CPT1A: variants seen among roughly 807,000 people sequenced by gnomAD.
CPT1A encodes carnitine palmitoyltransferase 1A, also known as carnitine O-palmitoyltransferase 1, liver isoform.
Under a neutral mutation model 100.8 loss-of-function variants are expected in CPT1A, and 64 were observed. That is an observed-to-expected ratio of 0.63 (90% CI 0.52 to 0.78). The LOEUF is 0.78. Among genes scored for constraint, CPT1A ranks in the 30% least tolerant of loss-of-function variants. CPT1A has a pLI of 0.00. For missense variants in CPT1A, 802 were observed against 1,034.1 expected, an observed-to-expected ratio of 0.78 and a Z score of 3.08; for synonymous variants, 363 against 396.0, an observed-to-expected ratio of 0.92 and a Z score of 0.99.
At chr11:68,759,027 C>T (rs11228341) in intron 18 of CPT1A, among the ~76,000 whole-genome samples, 91,835 of 151,890 alleles carry the variant, frequency 0.6, 29,070 homozygotes, top group East Asian at 0.78. Context: ...GTAAGAGGAT[C>T]GCGTGAGCCC....
chr11:68,794,196 T>G (rs991065127), intron 8 of CPT1A, among the ~76,000 whole-genome samples: 1 of 152,204 alleles, frequency 6.6e-6, no homozygotes, highest in African/African-American at 2.4e-5. Flanking sequence ...CATACTGTTA[T>G]GATTCCACTT....
intron 1 of CPT1A, among the ~76,000 whole-genome samples, chr11:68,816,755 CGT>C (rs5792452): frequency 1.4e-4 from 21 of 145,110 alleles, no homozygotes; most frequent in East Asian, 4.1e-4. Context: ...TCCAAAAACT[CGT>C]GTGTGTGTGT....
chr11:68,766,303 A>G (rs1007249349), intron 14 of CPT1A, among the ~76,000 whole-genome samples: 25 of 152,046 alleles, frequency 1.6e-4, no homozygotes, highest in Admixed American at 1.3e-4. Flanking sequence ...TCCAGGGCAG[A>G]AAAAAGGTTC....
chr11:68,794,773 A>C (rs546227126), intron 8 of CPT1A, 31 bp downstream of exon 8: 1 of 1,545,522 alleles, frequency 6.5e-7, no homozygotes, highest in Non-Finnish European at 8.9e-7. Context: ...CTGTTTGAAA[A>C]TAATTTTTTT....
At chr11:68,776,059 C>A (rs1442699828) in intron 12 of CPT1A, among the ~76,000 whole-genome samples, 1 of 152,180 alleles carries the variant, frequency 6.6e-6, no homozygotes, top group African/African-American at 2.4e-5. Flanking sequence ...GGAATGAATT[C>A]CAGGTATGTG....
At chr11:68,810,004 C>A (rs149312246) in intron 3 of CPT1A, among the ~76,000 whole-genome samples, 2 of 152,124 alleles carry the variant, frequency 1.3e-5, no homozygotes, top group African/African-American at 4.8e-5. Context: ...ACGGCGAAAC[C>A]CCATCTCTAT....
rs754882884 is a variant in CPT1A at position 68,796,924 on chromosome 11, A to G, written c.703T>C (p.Trp235Arg). 1.2e-6 allele frequency: 2 copies of G among 1,613,940 alleles called. No homozygotes were observed. Among genetic ancestry groups the G allele is most frequent in the Non-Finnish European group, 1.7e-6 (2 of 1,179,940 alleles). The change falls in exon 7 of 19, where the codon TGG becomes CGG. Residue 235 changes from tryptophan (W) to arginine (R), a missense_variant. By Grantham distance (101) the Trp-to-Arg change is moderately radical. This residue lies in a region of CPT1A where 627 missense variants were observed against 799.3 expected (regional missense o/e 0.78). Transcript: ENST00000265641. Reference protein sequence around the residue: ...SWWATNYVSDWWEEYIYLRGR... With the variant: ...SWWATNYVSDRWEEYIYLRGR... ...CGGAGGTAGATGTACTCCTCCCACC[A>G]GTCGCTCACCTAGTGGGCGCAAACA...
At chr11:68,762,428 C>T (rs776425694) in intron 15 of CPT1A, among the ~76,000 whole-genome samples, 199 bp downstream of exon 15, 1 of 152,222 alleles carries the variant, frequency 6.6e-6, no homozygotes, top group Non-Finnish European at 1.5e-5. Context: ...GCGTCTCTGT[C>T]CTTGTCCCTA....
chr11:68,816,573 A>G (rs1856395093), intron 1 of CPT1A, among the ~76,000 whole-genome samples: 2 of 152,192 alleles, frequency 1.3e-5, no homozygotes, highest in African/African-American at 2.4e-5. Context: ...TCCTTGGCAC[A>G]GCCGCTCAGC....
chr11:68,779,810 A>AAC (rs1855256740), intron 12 of CPT1A, among the ~76,000 whole-genome samples: 2 of 151,274 alleles, frequency 1.3e-5, no homozygotes, highest in Non-Finnish European at 3.0e-5. Flanking sequence ...AAAAAAAAAA[A>AAC]AACAATGGTA....
At chr11:68,826,978 T>G (rs988027746) in intron 1 of CPT1A, among the ~76,000 whole-genome samples, 4 of 152,138 alleles carry the variant, frequency 2.6e-5, no homozygotes, top group African/African-American at 9.6e-5. Flanking sequence ...CGCAAAGCTC[T>G]TCCAAGGACC....
intron 14 of CPT1A, 56 bp downstream of exon 14, chr11:68,773,209 C>A: frequency 6.2e-7 from 1 of 1,609,142 alleles, no homozygotes; most frequent in East Asian, 2.2e-5. Flanking sequence ...CAGTCTTGGG[C>A]AGGTGTAGGA....
At chr11:68,772,718 A>G (rs1594326156) in intron 14 of CPT1A, among the ~76,000 whole-genome samples, 1 of 152,128 alleles carries the variant, frequency 6.6e-6, no homozygotes, top group East Asian at 1.9e-4. Flanking sequence ...GAAAATACCA[A>G]AATTTAATTT....
chr11:68,827,840 T>C (rs912846955), intron 1 of CPT1A, among the ~76,000 whole-genome samples: 1 of 152,130 alleles, frequency 6.6e-6, no homozygotes, highest in African/African-American at 2.4e-5. Flanking sequence ...GCAACTTGCT[T>C]CTCGTCCACA....
chr11:68,761,430 TC>T, intron 16 of CPT1A, 104 bp downstream of exon 16: 1 of 1,358,692 alleles, frequency 7.4e-7, no homozygotes, highest in Non-Finnish European at 1.0e-6. Flanking sequence ...CCCGTTTTTT[TC>T]AAATGCCCAT....
At chr11:68,797,914 C>A (rs1014764659) in intron 6 of CPT1A, among the ~76,000 whole-genome samples, 17 of 152,098 alleles carry the variant, frequency 1.1e-4, no homozygotes, top group Admixed American at 6.6e-5. Flanking sequence ...GGAGGCAGAG[C>A]TTGCAGTGAG....
At chr11:68,844,176 G>C (rs1857207232), upstream of CPT1A, 1 of 152,286 alleles carries the variant, frequency 6.6e-6, no homozygotes, top group African/African-American at 2.4e-5. Flanking sequence ...CTCGGCAGCT[G>C]CAACGAGCCC....
intron 8 of CPT1A, among the ~76,000 whole-genome samples, chr11:68,794,107 A>C (rs1191240211): frequency 1.3e-5 from 2 of 152,206 alleles, no homozygotes; most frequent in Non-Finnish European, 2.9e-5. Context: ...ATGTATATTC[A>C]TTTAGGAGAC....
chr11:68,793,218 A>G, intron 9 of CPT1A, 97 bp downstream of exon 9: 1 of 819,602 alleles, frequency 1.2e-6, no homozygotes, highest in Admixed American at 2.6e-5. Flanking sequence ...AGGAAGGGTC[A>G]GCAAAAATCA....
Sources: gnomAD v4.1 joint callset for allele counts (sites outside exome capture counted in the v4.1 genomes callset) on GRCh38, gnomAD v4.1.1 for gene constraint, gnomAD v4.1.1 regional missense constraint, MANE v1.5 for transcripts, NCBI Gene and HGNC (gene_info 2026-07-23, HGNC 2026-07-21) for gene names.